The following BCO2 variants were observed in gnomAD, a reference collection of about 807,000 sequenced individuals.
BCO2 encodes the protein beta-carotene oxygenase 2.
BCO2 carries 56 observed loss-of-function variants against 65.8 expected under a neutral mutation model. The observed-to-expected ratio is 0.85, with a 90% CI of 0.69 to 1.06. The LOEUF is 1.06. Among genes scored for constraint, BCO2 ranks in the 50% least tolerant of loss-of-function variants. The probability of loss-of-function intolerance (pLI) is 0.00; values close to 1 mark genes in which losing one functional copy is unlikely to be tolerated. For synonymous variants in BCO2, 233 were observed against 242.3 expected (o/e 0.96, Z 0.36); for missense variants, 675 against 698.5 (o/e 0.97, Z 0.38).
At chr11:112,207,236 G>A (rs1251841133) in intron 8 of BCO2, among the ~76,000 whole-genome samples, 2 of 152,130 alleles carry the variant, frequency 1.3e-5, no homozygotes, top group Non-Finnish European at 2.9e-5. Flanking sequence ...AAGTTGAATA[G>A]GTAGTGTTGA....
At chr11:112,191,170 A>C (rs988848263) in intron 2 of BCO2, among the ~76,000 whole-genome samples, 11 of 151,746 alleles carry the variant, frequency 7.2e-5, no homozygotes, top group Non-Finnish European at 2.9e-5. Context: ...CAGAGACACA[A>C]GGACTAGTAA....
At chr11:112,180,529 C>A (rs184833841) in intron 2 of BCO2, among the ~76,000 whole-genome samples, 3 of 152,142 alleles carry the variant, frequency 2.0e-5, no homozygotes, top group African/African-American at 7.2e-5. Flanking sequence ...TTCAATAAAT[C>A]GATGCCAATA....
chr11:112,200,484 T>C (rs1592853487), intron 6 of BCO2, 129 bp from the exon 7 acceptor site: 1 of 741,664 alleles, frequency 1.3e-6, no homozygotes, highest in East Asian at 2.7e-5. Context: ...TAAACATGTA[T>C]TTCTGGCTGG....
Position 112,215,130 on chromosome 11 carries a change from C to A in BCO2, c.1515+186C>A, listed in dbSNP as rs1197049148. The A allele has an allele frequency of 6.6e-6, 4 of 601,622 alleles. No individual in the cohort carries two copies. The Admixed American group carries it at 9.2e-5, about 14-fold the overall frequency. 37.3% of individuals were successfully genotyped at this position (601,622 alleles called of 1,614,324 possible). On this transcript the variant is annotated intron_variant, in intron 10 of 11. Coordinates refer to ENST00000357685, the MANE Select transcript of BCO2 (RefSeq NM_031938.7). ...GTTCCTTCTAGGGAATCCAAATTGA[C>A]CCCAGGCCCAGCAAAATAATTCTAT... is the stretch of plus-strand genomic sequence containing the variant.
At chr11:112,182,191 T>G (rs1867070484) in intron 2 of BCO2, among the ~76,000 whole-genome samples, 1 of 152,088 alleles carries the variant, frequency 6.6e-6, no homozygotes, top group South Asian at 2.1e-4. Flanking sequence ...CATTAAAAAG[T>G]CAGGAAACAA....
chr11:112,178,783 T>G (rs1175281209), intron 1 of BCO2, among the ~76,000 whole-genome samples: 1 of 152,228 alleles, frequency 6.6e-6, no homozygotes, highest in Non-Finnish European at 1.5e-5. Flanking sequence ...ATTTAAGATC[T>G]TATTAAATTC....
Position 112,215,748 on chromosome 11 carries a change from A to C in BCO2, c.1516-472A>C, listed in dbSNP as rs11214142. Reference sequence around the variant, plus strand: ...ACAAAACAAAAAAACAAAAAAAAACAAAAAAAAAAGGAAAAAGAAAAGAGG... The same window carrying C: ...ACAAAACAAAAAAACAAAAAAAAACCAAAAAAAAAGGAAAAAGAAAAGAGG... On this transcript the variant is annotated intron_variant, in intron 10 of 11. Coordinates refer to ENST00000357685, the MANE Select transcript of BCO2 (RefSeq NM_031938.7). 4.9e-4 allele frequency: 67 copies of C among 137,932 alleles called. 1 individual carries two copies. Among genetic ancestry groups the C allele is most frequent in the Non-Finnish European group, 7.2e-4 (46 of 64,048 alleles). 8.5% of individuals were successfully genotyped at this position (137,932 alleles called of 1,614,324 possible). A position where few individuals can be genotyped will look rare whatever the true frequency, so the allele number is the denominator to read the frequency against.
In BCO2 at chr11:112,200,791, T is replaced by C. The variant is rs200968824; in HGVS notation, c.1026+18T>C. On this transcript the variant is annotated intron_variant, in intron 7 of 11. Coordinates refer to ENST00000357685, the MANE Select transcript of BCO2 (RefSeq NM_031938.7). Reference sequence around the variant, plus strand: ...CTGGACAGGTGGAGTATTTTGAGTATATTTATCATGAAAATTGTTGGAAAC... The same window carrying C: ...CTGGACAGGTGGAGTATTTTGAGTACATTTATCATGAAAATTGTTGGAAAC... The C allele has an allele frequency of 5.6e-4, 901 of 1,600,558 alleles. 7 individuals are homozygous for C. The African/African-American group carries it at 0.011, about 20-fold the overall frequency.
intron 2 of BCO2, among the ~76,000 whole-genome samples, chr11:112,189,428 C>G (rs1280313148): frequency 7.8e-6 from 1 of 127,716 alleles, no homozygotes; most frequent in African/African-American, 3.0e-5. Flanking sequence ...TTTTTTGAGA[C>G]AGAGTCTCAC....
chr11:112,179,149 C>T, intron 1 of BCO2, 129 bp from the exon 2 acceptor site: 2 of 756,266 alleles, frequency 2.6e-6, no homozygotes, highest in South Asian at 3.6e-5. Context: ...AAATTTGGAG[C>T]CTGTATTTGG....
At chr11:112,193,767 AT>A (rs902252366) in intron 3 of BCO2, 70 bp downstream of exon 3, 2 of 1,558,062 alleles carry the variant, frequency 1.3e-6, no homozygotes, top group Non-Finnish European at 1.8e-6. Context: ...TTGAAAATAG[AT>A]TTTTTTGTGT....
At chr11:112,201,993 T>G (rs528547416) in intron 7 of BCO2, 30 bp from the exon 8 acceptor site, 23 of 1,522,988 alleles carry the variant, frequency 1.5e-5, no homozygotes, top group Non-Finnish European at 1.9e-5. Context: ...TAAAAAAAAT[T>G]TTTTTCATTG....
In BCO2 at chr11:112,200,688, T is replaced by C; in HGVS notation, c.941T>C (p.Ile314Thr). Residue 314 changes from isoleucine (I) to threonine (T), a missense_variant, in exon 7 of 12, where the codon ATT becomes ACT. By Grantham distance (89) the Ile-to-Thr change is moderately conservative (BLOSUM62 -1). Coordinates refer to ENST00000357685, the MANE Select transcript of BCO2 (RefSeq NM_031938.7). ...MNLWKIATSK[I>T]RGKAFSDGIS... The stretch of plus-strand genomic sequence containing the variant: ...CTGTGGAAAATTGCCACTTCTAAAA[T>C]TCGGGGAAAGGCCTTTTCAGATGGG... 6.2e-7 allele frequency: 1 copy of C among 1,613,930 alleles called. No homozygotes were observed. The highest frequency in any genetic ancestry group is 8.5e-7 in the Non-Finnish European group (1 of 1,179,976).
chr11:112,199,142 C>A (rs557979577), intron 5 of BCO2, among the ~76,000 whole-genome samples: 1 of 151,974 alleles, frequency 6.6e-6, no homozygotes, highest in African/African-American at 2.4e-5. Context: ...TGGTGTGTGA[C>A]GTTCTCCTCC....
chr11:112,178,096 G>A (rs566673780), intron 1 of BCO2, among the ~76,000 whole-genome samples: 2 of 150,516 alleles, frequency 1.3e-5, no homozygotes, highest in Admixed American at 6.6e-5. Flanking sequence ...TGTATTTTTA[G>A]TAAAGATGGG....
chr11:112,214,694 C>G, intron 9 of BCO2, 68 bp from the exon 10 acceptor site: 1 of 1,362,222 alleles, frequency 7.3e-7, no homozygotes, highest in Non-Finnish European at 1.0e-6. Flanking sequence ...TGAGGCTCCT[C>G]ACTGACCTAC....
intron 2 of BCO2, among the ~76,000 whole-genome samples, chr11:112,191,689 G>A (rs922404951): frequency 6.6e-6 from 1 of 151,798 alleles, no homozygotes; most frequent in African/African-American, 2.4e-5. Context: ...TTTTTCAGAG[G>A]GAGCAACTAG....
At chr11:112,182,856 A>G in intron 2 of BCO2, 2 of 955,294 alleles carry the variant, frequency 2.1e-6, no homozygotes, top group Non-Finnish European at 1.6e-6. Flanking sequence ...TATATATAAA[A>G]AGATGCTCTG....
chr11:112,207,497 C>G (rs1300004163), intron 8 of BCO2, among the ~76,000 whole-genome samples: 2 of 152,124 alleles, frequency 1.3e-5, no homozygotes. Context: ...ATGCATTATT[C>G]TGTTTCTGGA....
Sources: allele counts gnomAD v4.1 joint callset (sites outside exome capture counted in the v4.1 genomes callset), GRCh38; gene constraint gnomAD v4.1.1; transcripts MANE v1.5; gene names NCBI Gene and HGNC (gene_info 2026-07-23, HGNC 2026-07-21).